Variants in PDE1A observed in about 807,000 individuals in gnomAD.
The protein encoded by PDE1A is phosphodiesterase 1A, also known as dual specificity calcium/calmodulin-dependent 3',5'-cyclic nucleotide phosphodiesterase 1A.
Under a neutral mutation model 61.7 loss-of-function variants are expected in PDE1A, and 35 were observed. That is an observed-to-expected ratio of 0.57 (90% confidence interval 0.43 to 0.75). The LOEUF (loss-of-function observed/expected upper bound fraction) is 0.75. Among genes scored for constraint, PDE1A ranks in the 30% least tolerant of loss-of-function variants. The probability of loss-of-function intolerance (pLI) is 0.00; values close to 1 mark genes in which losing one functional copy is unlikely to be tolerated. For synonymous variants in PDE1A, 232 were observed against 213.2 expected, an observed-to-expected ratio of 1.09 and a Z score of -0.77; for missense variants, 597 against 630.6, an observed-to-expected ratio of 0.95 and a Z score of 0.57.
At chr2:182,395,208 G>A (rs73045406) in intron 1 of PDE1A, among the ~76,000 whole-genome samples, 8,353 of 152,264 alleles carry the variant, frequency 0.055, 739 homozygotes, top group African/African-American at 0.19. Flanking sequence ...CAGCTGGCAA[G>A]ACCAGCAGTA....
intron 1 of PDE1A, among the ~76,000 whole-genome samples, chr2:182,280,034 A>G (rs1360879718): frequency 6.6e-6 from 1 of 151,972 alleles, no homozygotes; most frequent in African/African-American, 2.4e-5. Context: ...ACTGTTTTAT[A>G]ATACTTGTAA....
In PDE1A at chr2:182,287,164, T is replaced by C. The variant is rs186024193; in HGVS notation, c.54-22750A>G. Reference sequence around the variant, plus strand: ...TCTGAAACAAACTCTTCCCCTATGATCTTTATACCAGCTCTTCTTTCCTTC... The same window carrying C: ...TCTGAAACAAACTCTTCCCCTATGACCTTTATACCAGCTCTTCTTTCCTTC... On this transcript the variant is annotated intron_variant, in intron 1 of 13. Coordinates refer to ENST00000351439, the Ensembl canonical transcript of PDE1A. Among the ~76,000 whole-genome samples the C allele has an allele frequency of 2.0e-3, 303 of 152,168 alleles. 1 individual carries two copies. Among genetic ancestry groups the C allele is most frequent in the African/African-American group, 7.1e-3 (294 of 41,534 alleles).
chr2:182,471,311 T>C (rs1378574317), intron 2 of PDE1A, among the ~76,000 whole-genome samples: 1 of 151,746 alleles, frequency 6.6e-6, no homozygotes, highest in Non-Finnish European at 1.5e-5. Context: ...GCTTTCCCTA[T>C]GCCTACCACA....
At chr2:182,356,037 CA>C (rs1361203290) in intron 1 of PDE1A, among the ~76,000 whole-genome samples, 2 of 152,152 alleles carry the variant, frequency 1.3e-5, no homozygotes, top group Non-Finnish European at 2.9e-5. Flanking sequence ...AGCTACAGGT[CA>C]GTTTGATTGT....
intron 1 of PDE1A, among the ~76,000 whole-genome samples, chr2:182,341,110 T>G (rs1457879122): frequency 1.3e-5 from 2 of 152,192 alleles, no homozygotes; most frequent in African/African-American, 2.4e-5. Context: ...AGTATGTTAC[T>G]CCTTCAAAGT....
At chr2:182,319,334 C>A (rs1293046422) in intron 1 of PDE1A, among the ~76,000 whole-genome samples, 2 of 152,084 alleles carry the variant, frequency 1.3e-5, no homozygotes, top group Non-Finnish European at 2.9e-5. Context: ...TTATAGGGAA[C>A]AAAAGAGATT....
At chr2:182,625,089 A>G in the PDE1A span, among the ~76,000 whole-genome samples, 1 of 152,144 alleles carries the variant, frequency 6.6e-6, no homozygotes, top group Non-Finnish European at 1.5e-5. Context: ...ATGAGATTAG[A>G]AGGAGAGACA....
chr2:182,588,034 G>C, the PDE1A span, among the ~76,000 whole-genome samples: 2 of 152,180 alleles, frequency 1.3e-5, no homozygotes, highest in Non-Finnish European at 2.9e-5. Flanking sequence ...ATGTGGTTTT[G>C]ATATGTGAAG....
the PDE1A span, among the ~76,000 whole-genome samples, chr2:182,709,480 C>T: frequency 6.6e-6 from 1 of 152,128 alleles, no homozygotes; most frequent in South Asian, 2.1e-4. Context: ...AAACCAGATT[C>T]CTGATCTCAA....
the PDE1A span, among the ~76,000 whole-genome samples, chr2:182,649,339 C>T: frequency 1.3e-5 from 2 of 152,098 alleles, no homozygotes; most frequent in East Asian, 1.9e-4. Flanking sequence ...TTCAGTTCCC[C>T]TTGGTCAGAG....
chr2:182,223,547 T>G lies in PDE1A; in HGVS notation c.776+317A>C, dbSNP rs901507594. Among the ~76,000 whole-genome samples the G allele has an allele frequency of 5.9e-5, 9 of 152,182 alleles. No individual in the cohort carries two copies. In the East Asian group the frequency reaches 1.7e-3, roughly 29 times the overall value. On this transcript the variant is annotated intron_variant, in intron 7 of 13. Coordinates refer to ENST00000351439, the Ensembl canonical transcript of PDE1A. The stretch of plus-strand genomic sequence containing the variant: ...CCAAACCAGTACCTTAAGCATTATG[T>G]TGCAAGATTTGCCTCAGTGAATAGA...
At chr2:182,251,964 G>C (rs1459398771) in intron 2 of PDE1A, among the ~76,000 whole-genome samples, 1 of 152,146 alleles carries the variant, frequency 6.6e-6, no homozygotes, top group African/African-American at 2.4e-5. Context: ...AGAGTGTAAG[G>C]GGAGATAAGG....
At chr2:182,367,178 TC>T (rs1699881338) in intron 1 of PDE1A, among the ~76,000 whole-genome samples, 1 of 152,074 alleles carries the variant, frequency 6.6e-6, no homozygotes, top group East Asian at 1.9e-4. Context: ...GATTTAGAAG[TC>T]ATATGGAAAA....
rs139090726 is a variant in PDE1A at position 182,297,945 on chromosome 2, A to G, written c.54-33531T>C. 1.9e-3 allele frequency among the ~76,000 whole-genome samples: 296 copies of G among 152,288 alleles called. 1 individual carries two copies. The highest frequency in any genetic ancestry group is 6.4e-3 in the African/African-American group (268 of 41,570). On this transcript the variant is annotated intron_variant, in intron 1 of 13. Coordinates refer to ENST00000351439, the Ensembl canonical transcript of PDE1A. ...TCTATTACTTCCCCCTTCCTTACCA[A>G]TGATCCTGACCAGCAGCTGGTCTGC... is the stretch of plus-strand genomic sequence containing the variant.
At chr2:182,172,850 T>C (rs1231362739) in intron 13 of PDE1A, among the ~76,000 whole-genome samples, 1 of 151,950 alleles carries the variant, frequency 6.6e-6, no homozygotes, top group Non-Finnish European at 1.5e-5. Context: ...TAGGAAAACA[T>C]AGGCGTAGCT....
At chr2:182,160,726 G>A (rs778098487) in intron 13 of PDE1A, among the ~76,000 whole-genome samples, 15 of 152,200 alleles carry the variant, frequency 9.9e-5, no homozygotes, top group Non-Finnish European at 1.6e-4. Flanking sequence ...ATGGCCTATC[G>A]TGGTGAGACT....
chr2:182,267,782 T>C (rs1460849968), intron 1 of PDE1A, among the ~76,000 whole-genome samples: 1 of 152,112 alleles, frequency 6.6e-6, no homozygotes, highest in Non-Finnish European at 1.5e-5. Flanking sequence ...TATTTTACTT[T>C]CTTCCTAGAT....
the PDE1A span, among the ~76,000 whole-genome samples, chr2:182,631,912 A>G: frequency 6.6e-6 from 1 of 152,234 alleles, no homozygotes; most frequent in African/African-American, 2.4e-5. Context: ...TGTTTTAGAA[A>G]TTCTCATAAA....
the PDE1A span, among the ~76,000 whole-genome samples, chr2:182,704,215 AAAAAAAAAAAC>A: frequency 1.3e-3 from 195 of 150,572 alleles, 1 homozygote; most frequent in Middle Eastern, 6.8e-3. Flanking sequence ...CGTCTGGAAA[AAAAAAAAAAAC>A]AAAAAAAAAA....
Sources: allele counts gnomAD v4.1 joint callset (sites outside exome capture counted in the v4.1 genomes callset), GRCh38; gene constraint gnomAD v4.1.1; transcripts MANE v1.5; gene names NCBI Gene and HGNC (gene_info 2026-07-23, HGNC 2026-07-21).